The following ARHGAP20 variants were observed in gnomAD, a reference collection of about 807,000 sequenced individuals.
ARHGAP20 encodes the protein Rho GTPase activating protein 20, also known as rho GTPase-activating protein 20.
Under a neutral mutation model 73.7 loss-of-function variants are expected in ARHGAP20, and 34 were observed. The ratio of observed to expected loss-of-function variants is 0.46; its 90% confidence interval spans 0.35 to 0.61. ARHGAP20 has a LOEUF of 0.61. Ranked by LOEUF, ARHGAP20 falls within the 20% of genes least tolerant of loss-of-function variation. The pLI is 0.00. For synonymous variants in ARHGAP20, 523 were observed against 518.2 expected (o/e 1.01, Z -0.13); for missense variants, 1,314 against 1,420.9 (o/e 0.92, Z 1.21).
Position 110,583,685 on chromosome 11 carries a change from C to CA in ARHGAP20, c.1467dup (p.Gly490TrpfsTer7). 6.2e-7 allele frequency: 1 copy of CA among 1,607,306 alleles called. No homozygotes were observed. Among genetic ancestry groups the CA allele is most frequent in the Non-Finnish European group, 8.5e-7 (1 of 1,175,778 alleles). On this transcript the variant is annotated frameshift_variant, in exon 13 of 15. Coordinates refer to ENST00000683387, the MANE Select transcript of ARHGAP20 (RefSeq NM_001384657.1). LOFTEE classifies it high-confidence loss of function. The stretch of plus-strand genomic sequence containing the variant: ...TGTTGCTCAATGTTGTGTAACACCC[C>CA]AAAAAGATACCTTAGGAGAACAACA...
Position 110,611,295 on chromosome 11 carries a change from G to T in ARHGAP20, c.708+14C>A, listed in dbSNP as rs375627518. 1.9e-5 allele frequency: 28 copies of T among 1,469,078 alleles called. No individual in the cohort carries two copies. Among genetic ancestry groups the T allele is most frequent in the Non-Finnish European group, 2.5e-5 (27 of 1,080,900 alleles). The allele number at this position is 1,469,078 out of a possible 1,614,324, so 91.0% of individuals were successfully genotyped here. A position where few individuals can be genotyped will look rare whatever the true frequency, so the allele number is the denominator to read the frequency against. On this transcript the variant is annotated intron_variant, in intron 7 of 14. Coordinates refer to ENST00000683387, the MANE Select transcript of ARHGAP20 (RefSeq NM_001384657.1). ...GTTTATTTTTAATTAAGAATGTCTA[G>T]CAGAATAACTTACAGTTATCCCTAG... is the stretch of plus-strand genomic sequence containing the variant.
chr11:110,655,392 C>T (rs778874641), intron 2 of ARHGAP20, among the ~76,000 whole-genome samples: 1 of 152,074 alleles, frequency 6.6e-6, no homozygotes, highest in East Asian at 1.9e-4. Context: ...GCAGTAAAAT[C>T]TGGAGAGAGG....
At chr11:110,691,066 G>C (rs1371311664) in intron 1 of ARHGAP20, 6 of 1,354,938 alleles carry the variant, frequency 4.4e-6, no homozygotes, top group Non-Finnish European at 4.9e-6. Flanking sequence ...GTAAAGGAGA[G>C]GAAAAAACAG....
chr11:110,603,992 C>T (rs1948165703), intron 9 of ARHGAP20, among the ~76,000 whole-genome samples: 1 of 152,116 alleles, frequency 6.6e-6, no homozygotes, highest in South Asian at 2.1e-4. Flanking sequence ...TCACTTCTCA[C>T]TCATTAGATT....
At position 110,661,744 on chromosome 11, in the gene ARHGAP20, GAC is replaced by G. The variant is rs1384094400; in HGVS notation, c.188+28801_188+28802del. ...AAAGTACTCTGATATAACATATTAA[GAC>G]ACTGTTAGTGAGGCTGTGGTAAAAA... On this transcript the variant is annotated intron_variant, in intron 2 of 14. Coordinates refer to ENST00000683387, the MANE Select transcript of ARHGAP20 (RefSeq NM_001384657.1). 4.6e-5 allele frequency among the ~76,000 whole-genome samples: 7 copies of G among 152,160 alleles called. No individual in the cohort carries two copies. In the South Asian group the frequency reaches 8.3e-4, roughly 18 times the overall value.
rs761951325 is a variant in ARHGAP20, at chr11:110,582,446, A to T, written c.1606-11T>A. 1.3e-6 allele frequency: 2 copies of T among 1,519,200 alleles called. No homozygotes were observed. Among genetic ancestry groups the T allele is most frequent in the South Asian group, 2.3e-5 (2 of 88,312 alleles). The allele number at this position is 1,519,200 out of a possible 1,614,324, so 94.1% of individuals were successfully genotyped here. On this transcript the variant is annotated splice_polypyrimidine_tract_variant and intron_variant, in intron 13 of 14. Transcript: ENST00000683387. Reference sequence around the variant, plus strand: ...TATAAGCAGGGAAACCTGTAAGAAAAAGGACAAACGAAGTATTACTTTTCA... The same window carrying T: ...TATAAGCAGGGAAACCTGTAAGAAATAGGACAAACGAAGTATTACTTTTCA...
At chr11:110,597,536 C>G (rs1191546263) in intron 9 of ARHGAP20, among the ~76,000 whole-genome samples, 1 of 152,066 alleles carries the variant, frequency 6.6e-6, no homozygotes, top group East Asian at 1.9e-4. Flanking sequence ...TTTGCCCAGG[C>G]TAGTCCCTGC....
chr11:110,676,356 C>T (rs541528199), intron 2 of ARHGAP20, among the ~76,000 whole-genome samples: 23 of 152,236 alleles, frequency 1.5e-4, no homozygotes, highest in African/African-American at 5.5e-4. Flanking sequence ...GGTTTAATTG[C>T]CTCACAGTTC....
At chr11:110,596,821 G>A (rs569281969) in intron 9 of ARHGAP20, among the ~76,000 whole-genome samples, 135 of 152,242 alleles carry the variant, frequency 8.9e-4, no homozygotes, top group Non-Finnish European at 5.4e-4. Flanking sequence ...AAATCATGCT[G>A]CTATAAAGAC....
chr11:110,603,095 T>A (rs999108823), intron 9 of ARHGAP20, among the ~76,000 whole-genome samples: 3 of 152,182 alleles, frequency 2.0e-5, no homozygotes, highest in Non-Finnish European at 4.4e-5. Context: ...AATATGGAAA[T>A]CTATCAAGTG....
intron 2 of ARHGAP20, among the ~76,000 whole-genome samples, chr11:110,670,728 AC>A: frequency 6.6e-6 from 1 of 152,212 alleles, no homozygotes; most frequent in Non-Finnish European, 1.5e-5. Flanking sequence ...ACAAGATAAT[AC>A]AGGAAAACTA....
chr11:110,615,379 T>C (rs1948460675), intron 5 of ARHGAP20, among the ~76,000 whole-genome samples, 174 bp downstream of exon 5: 1 of 152,182 alleles, frequency 6.6e-6, no homozygotes, highest in Non-Finnish European at 1.5e-5. Context: ...TGAGAGAACA[T>C]TATTTGTAGC....
chr11:110,659,428 T>G (rs1285579544), intron 2 of ARHGAP20, among the ~76,000 whole-genome samples: 53 of 147,310 alleles, frequency 3.6e-4, no homozygotes, highest in African/African-American at 1.3e-3. Flanking sequence ...TCTTGTAAAT[T>G]TGTTTGAGTT....
intron 7 of ARHGAP20, among the ~76,000 whole-genome samples, chr11:110,609,747 C>T (rs1288521055): frequency 6.6e-6 from 1 of 152,110 alleles, no homozygotes; most frequent in East Asian, 1.9e-4. Context: ...AACAGGTAAG[C>T]CTGTTGGCAA....
chr11:110,578,682 C>T lies in ARHGAP20; in HGVS notation c.*688G>A, dbSNP rs1459663007. The T allele has an allele frequency of 1.0e-6, 1 of 985,238 alleles. No individual in the cohort carries two copies. The highest frequency in any genetic ancestry group is 1.2e-6 in the Non-Finnish European group (1 of 829,932). 61.0% of individuals were successfully genotyped at this position (985,238 alleles called of 1,614,324 possible). A position where few individuals can be genotyped will look rare whatever the true frequency, so the allele number is the denominator to read the frequency against. ...TTTCCTGAAGCCTTGCAAAGCACTT[C>T]AACATGAATGAAAAAACAAACCGAC... On this transcript the variant is annotated 3_prime_UTR_variant, in exon 15 of 15. Transcript: ENST00000683387.
At chr11:110,618,573 TGTATATGTAGTGATAGA>T (rs1489159707) in intron 4 of ARHGAP20, among the ~76,000 whole-genome samples, 1 of 151,256 alleles carries the variant, frequency 6.6e-6, no homozygotes, top group Non-Finnish European at 1.5e-5. Flanking sequence ...GTAGTGATAG[TGTATATGTAGTGATAGA>T]GTATATGCAG....
At chr11:110,627,913 C>T (rs558910333) in intron 3 of ARHGAP20, among the ~76,000 whole-genome samples, 1 of 152,218 alleles carries the variant, frequency 6.6e-6, no homozygotes, top group South Asian at 2.1e-4. Context: ...AAGTGGTCCC[C>T]AAGTACCCAT....
At chr11:110,636,543 G>A (rs574904252) in intron 2 of ARHGAP20, among the ~76,000 whole-genome samples, 24 of 152,092 alleles carry the variant, frequency 1.6e-4, no homozygotes, top group African/African-American at 3.1e-4. Flanking sequence ...GCTGGTGTCC[G>A]GGAGAATTCA....
Position 110,577,079 on chromosome 11 carries a change from G to GAT in ARHGAP20, c.*2290_*2291insAT. 1 of 1,505,712 alleles carries GAT rather than the reference G, an allele frequency of 6.6e-7. No homozygotes were observed. Among genetic ancestry groups the GAT allele is most frequent in the Non-Finnish European group, 8.9e-7 (1 of 1,125,692 alleles). 93.3% of individuals were successfully genotyped at this position (1,505,712 alleles called of 1,614,324 possible). The stretch of plus-strand genomic sequence containing the variant: ...CTGCAGAATGGCATTTTATTTAACA[G>GAT]ACAGCATGGACTTCATACATATCCA... On this transcript the variant is annotated 3_prime_UTR_variant, in exon 15 of 15. Transcript: ENST00000683387.
Sources: gnomAD v4.1 joint callset for allele counts (sites outside exome capture counted in the v4.1 genomes callset) on GRCh38, gnomAD v4.1.1 for gene constraint, MANE v1.5 for transcripts, NCBI Gene and HGNC (gene_info 2026-07-23, HGNC 2026-07-21) for gene names.